Variants in CNOT10 observed in about 807,000 individuals in gnomAD.
CNOT10 encodes the protein CCR4-NOT transcription complex, subunit 10.
A neutral mutation model predicts 94.6 loss-of-function variants in CNOT10; 30 were observed. The ratio of observed to expected loss-of-function variants is 0.32; its 90% CI spans 0.24 to 0.43. CNOT10 has a LOEUF of 0.43. Ranked by LOEUF, CNOT10 falls within the 20% of genes least tolerant of loss-of-function variation. CNOT10 has a pLI of 1.00. For missense variants in CNOT10, 759 were observed against 877.2 expected (o/e 0.87, Z 1.70); for synonymous variants, 289 against 301.6 (o/e 0.96, Z 0.43).
rs756679334 is a variant in CNOT10 at position 32,769,953 on chromosome 3, C to A, written c.2071C>A (p.Leu691Met). Residue 691 changes from leucine (L) to methionine (M), a missense_variant, in exon 18 of 19, where the codon CTG becomes ATG. Physicochemically the swap from Leu to Met is conservative, Grantham distance 15 (BLOSUM62 2). Coordinates refer to ENST00000328834, the MANE Select transcript of CNOT10 (RefSeq NM_015442.3). ...CATCTTGCTGGCAGTCTACCTTGAA[C>A]TGCAGAATGGTGAGTAATTCTCTCT... ...EAILLAVYLE[L>M]QNGNTQLALQ... The A allele has an allele frequency of 8.1e-6, 13 of 1,612,236 alleles. No homozygotes were observed. Among genetic ancestry groups the A allele is most frequent in the Non-Finnish European group, 1.1e-5 (13 of 1,178,328 alleles).
Position 32,704,967 on chromosome 3 carries a change from A to C in CNOT10, c.274A>C (p.Asn92His). 2.6e-6 allele frequency: 4 copies of C among 1,526,832 alleles called. No individual in the cohort carries two copies. Among genetic ancestry groups the C allele is most frequent in the Non-Finnish European group, 3.5e-6 (4 of 1,148,256 alleles). 94.6% of individuals were successfully genotyped at this position (1,526,832 alleles called of 1,614,324 possible). A position where few individuals can be genotyped will look rare whatever the true frequency, so the allele number is the denominator to read the frequency against. The change falls in exon 3 of 19, where the codon AAT becomes CAT. Residue 92 changes from asparagine (N) to histidine (H), a missense_variant. Coordinates refer to ENST00000328834, the MANE Select transcript of CNOT10 (RefSeq NM_015442.3). ...NLRQTLNQLK[N>H]QVHSAVEEMD... The stretch of plus-strand genomic sequence containing the variant: ...GAGACAAACACTTAACCAGCTGAAG[A>C]ATCAGGTGATACATAAATGAATTTA...
At chr3:32,743,992 C>G (rs1482956612) in intron 13 of CNOT10, among the ~76,000 whole-genome samples, 1 of 151,980 alleles carries the variant, frequency 6.6e-6, no homozygotes, top group African/African-American at 2.4e-5. Context: ...GGAAACAGTA[C>G]AAGATGGAAG....
intron 10 of CNOT10, among the ~76,000 whole-genome samples, chr3:32,732,243 A>T (rs1698991311): frequency 6.6e-6 from 1 of 151,356 alleles, no homozygotes. Flanking sequence ...TACAAAAATT[A>T]GCCAGGTGTG....
intron 4 of CNOT10, among the ~76,000 whole-genome samples, chr3:32,712,866 A>T (rs577295048): frequency 2.8e-4 from 42 of 152,278 alleles, no homozygotes; most frequent in African/African-American, 1.0e-3. Context: ...TGGATTTTGG[A>T]GGATTACAAA....
intron 10 of CNOT10, among the ~76,000 whole-genome samples, chr3:32,728,422 A>G (rs1293417393): frequency 1.3e-5 from 2 of 151,140 alleles, no homozygotes. Flanking sequence ...GGAGTCCAAG[A>G]CCAGTCTGGA....
At chr3:32,738,461 ATTTCTTTT>A (rs1354928578) in intron 13 of CNOT10, among the ~76,000 whole-genome samples, 3 of 148,526 alleles carry the variant, frequency 2.0e-5, no homozygotes, top group Non-Finnish European at 1.5e-5. Context: ...CAGATTTTAT[ATTTCTTTT>A]TTTTTTTTTT....
chr3:32,686,445 C>G (rs906685389), intron 1 of CNOT10, among the ~76,000 whole-genome samples: 1 of 152,148 alleles, frequency 6.6e-6, no homozygotes, highest in Non-Finnish European at 1.5e-5. Flanking sequence ...TAAGCCAATT[C>G]TATTTTAGGT....
chr3:32,703,687 T>G, intron 1 of CNOT10, 181 bp from the exon 2 acceptor site: 2 of 527,646 alleles, frequency 3.8e-6, no homozygotes, highest in South Asian at 2.3e-5. Context: ...GCAAGAGATT[T>G]CATCATGTTA....
intron 13 of CNOT10, chr3:32,753,231 AT>A: frequency 1.4e-6 from 1 of 740,448 alleles, no homozygotes; most frequent in Non-Finnish European, 2.5e-6. Flanking sequence ...CAAAAATTAG[AT>A]AGTGCAGATG....
At chr3:32,696,190 C>T (rs530193100) in intron 1 of CNOT10, among the ~76,000 whole-genome samples, 5 of 151,982 alleles carry the variant, frequency 3.3e-5, no homozygotes, top group Non-Finnish European at 7.4e-5. Context: ...GTGGCGGGCA[C>T]CTATAATCCC....
At chr3:32,710,765 G>C (rs1415444993) in intron 4 of CNOT10, among the ~76,000 whole-genome samples, 3 of 151,884 alleles carry the variant, frequency 2.0e-5, no homozygotes, top group African/African-American at 7.3e-5. Flanking sequence ...CTGTTGCCCA[G>C]GCTGGAGTGC....
intron 8 of CNOT10, among the ~76,000 whole-genome samples, chr3:32,724,691 C>T (rs1202898427): frequency 1.3e-5 from 2 of 152,068 alleles, no homozygotes; most frequent in East Asian, 1.9e-4. Flanking sequence ...GGATTACAGG[C>T]GTGAGCCACT....
chr3:32,724,243 CTTT>C (rs376534412), intron 8 of CNOT10, among the ~76,000 whole-genome samples: 1 of 126,824 alleles, frequency 7.9e-6, no homozygotes, highest in South Asian at 2.5e-4. Flanking sequence ...TGTTCTGTTC[CTTT>C]TTTTTTTTTT....
chr3:32,744,647 G>A (rs1016215078), intron 13 of CNOT10, among the ~76,000 whole-genome samples: 5 of 152,090 alleles, frequency 3.3e-5, no homozygotes, highest in South Asian at 2.1e-4. Context: ...TTAGGAAAAC[G>A]TCTCAGAAAT....
At chr3:32,695,931 A>G (rs1247894016) in intron 1 of CNOT10, 9 of 838,254 alleles carry the variant, frequency 1.1e-5, no homozygotes, top group East Asian at 2.7e-5. Context: ...GAAATGTACA[A>G]ATACACAAGG....
At chr3:32,767,090 A>G (rs1246810202) in intron 17 of CNOT10, among the ~76,000 whole-genome samples, 1 of 152,226 alleles carries the variant, frequency 6.6e-6, no homozygotes, top group Non-Finnish European at 1.5e-5. Context: ...GTCAGAGGAT[A>G]TGCAGGATTT....
At chr3:32,757,870 T>A (rs1393715168) in intron 13 of CNOT10, among the ~76,000 whole-genome samples, 7 of 152,210 alleles carry the variant, frequency 4.6e-5, no homozygotes, top group African/African-American at 1.7e-4. Context: ...ACTTGCTGGC[T>A]CTCAAATTAC....
At chr3:32,703,415 G>A (rs945864910) in intron 1 of CNOT10, among the ~76,000 whole-genome samples, 8 of 151,894 alleles carry the variant, frequency 5.3e-5, no homozygotes, top group African/African-American at 1.9e-4. Context: ...TTTTTAATAC[G>A]TACATAACTA....
Position 32,709,412 on chromosome 3 carries a change from A to G in CNOT10, c.430+592A>G, listed in dbSNP as rs181260585. On this transcript the variant is annotated intron_variant, in intron 4 of 18. Transcript: ENST00000328834. ...CAGTCAAATTCCATTTGTGAGTTAC[A>G]TTTTTGTCTTTTTTTTCCATAATTG... 6.8e-4 allele frequency among the ~76,000 whole-genome samples: 104 copies of G among 152,258 alleles called. 3 individuals are homozygous for G. Among genetic ancestry groups the G allele is most frequent in the Non-Finnish European group, 1.8e-4 (12 of 68,016 alleles).
Sources: allele counts gnomAD v4.1 joint callset (sites outside exome capture counted in the v4.1 genomes callset), GRCh38; gene constraint gnomAD v4.1.1; transcripts MANE v1.5; gene names NCBI Gene and HGNC (gene_info 2026-07-23, HGNC 2026-07-21).